HYDIN: variants seen among roughly 807,000 people sequenced by gnomAD.
The protein encoded by HYDIN is HYDIN axonemal central pair apparatus protein.
HYDIN carries 132 observed loss-of-function variants against 403.9 expected under a neutral mutation model. That is an observed-to-expected ratio of 0.33 (90% CI 0.28 to 0.38). HYDIN has a LOEUF of 0.38. Among genes scored for constraint, HYDIN ranks in the 10% least tolerant of loss-of-function variants. The pLI is 1.00. For synonymous variants in HYDIN, 1,202 were observed against 1,891.7 expected (o/e 0.64, Z 9.46); for missense variants, 2,827 against 5,009.5 (o/e 0.56, Z 13.15).
chr16:71,201,183 T>G (rs767113433), intron 1 of HYDIN, among the ~76,000 whole-genome samples: 4 of 152,154 alleles, frequency 2.6e-5, no homozygotes, highest in Non-Finnish European at 5.9e-5. Context: ...TTTTTATGTC[T>G]TCCTTCCCTA....
intron 41 of HYDIN, among the ~76,000 whole-genome samples, chr16:70,946,649 G>C (rs2077871387): frequency 6.6e-6 from 1 of 152,122 alleles, no homozygotes; most frequent in African/African-American, 2.4e-5. Context: ...GTGAGGATGA[G>C]GAATGGAGGT....
At chr16:71,047,133 G>C (rs2144217750) in intron 18 of HYDIN, among the ~76,000 whole-genome samples, 1 of 152,154 alleles carries the variant, frequency 6.6e-6, no homozygotes, top group African/African-American at 2.4e-5. Context: ...AATGAAGATG[G>C]ACAGGCTTGC....
chr16:71,034,118 T>G (rs538973383), intron 18 of HYDIN, among the ~76,000 whole-genome samples: 53 of 151,910 alleles, frequency 3.5e-4, no homozygotes, highest in African/African-American at 1.2e-3. Flanking sequence ...GAAGAAGCCC[T>G]CCAAAGTAAC....
intron 1 of HYDIN, among the ~76,000 whole-genome samples, chr16:71,218,436 G>T (rs1404656830): frequency 6.6e-6 from 1 of 152,172 alleles, no homozygotes; most frequent in Non-Finnish European, 1.5e-5. Flanking sequence ...ACTGGGTTAC[G>T]TGATTCTATT....
chr16:70,961,829 T>G, intron 38 of HYDIN, 130 bp downstream of exon 38: 1 of 579,954 alleles, frequency 1.7e-6, no homozygotes, highest in South Asian at 2.6e-5. Flanking sequence ...GGAGGGCAGC[T>G]GTGGTGGGCA....
rs748062821 is a variant in HYDIN, at chr16:70,818,395, G to A, written c.14605C>T (p.Arg4869Trp). ...PYSVTFSTEC[R>W]MPDIALPSQF... The stretch of plus-strand genomic sequence containing the variant: ...GAGGGCAGGGCGATGTCGGGCATCC[G>A]GCATTCCGTGGAGAAGGTCACCGAG... Residue 4869 changes from arginine (R) to tryptophan (W), a missense_variant, in exon 84 of 86, where the codon CGG becomes TGG. Physicochemically the swap from Arg to Trp is moderately radical, Grantham distance 101 (BLOSUM62 -3). Transcript: ENST00000393567. 5 of 1,613,778 alleles carry A rather than the reference G, an allele frequency of 3.1e-6. No individual in the cohort carries two copies. The highest frequency in any genetic ancestry group is 4.2e-6 in the Non-Finnish European group (5 of 1,179,810).
intron 14 of HYDIN, 132 bp from the exon 15 acceptor site, chr16:71,067,522 T>G (rs2082316130): frequency 2.1e-6 from 1 of 477,762 alleles, no homozygotes; most frequent in African/African-American, 2.2e-5. Context: ...CATTTTACAT[T>G]TTTAGTTGAC....
intron 1 of HYDIN, among the ~76,000 whole-genome samples, chr16:71,194,666 A>T (rs2087603581): frequency 6.6e-6 from 1 of 152,206 alleles, no homozygotes; most frequent in Admixed American, 6.5e-5. Context: ...AATAATAAAC[A>T]CTACTTATTT....
At chr16:71,021,505 G>A (rs758970042) in intron 21 of HYDIN, among the ~76,000 whole-genome samples, 9 of 152,086 alleles carry the variant, frequency 5.9e-5, no homozygotes, top group East Asian at 1.9e-4. Context: ...GTGAGCCACC[G>A]CACCCGGCCC....
chr16:70,954,865 C>A (rs192226200), intron 40 of HYDIN, among the ~76,000 whole-genome samples: 2 of 152,216 alleles, frequency 1.3e-5, no homozygotes, highest in Non-Finnish European at 2.9e-5. Flanking sequence ...TTGGCCTCAA[C>A]CTGCCTTCCC....
intron 83 of HYDIN, among the ~76,000 whole-genome samples, chr16:70,822,474 GACA>G (rs2036329874): frequency 6.6e-6 from 1 of 152,128 alleles, no homozygotes; most frequent in Admixed American, 6.5e-5. Context: ...TTGTTGAAAT[GACA>G]ACAAAGGATT....
At chr16:71,114,238 G>T (rs1469751259) in intron 10 of HYDIN, among the ~76,000 whole-genome samples, 1 of 151,818 alleles carries the variant, frequency 6.6e-6, no homozygotes, top group Non-Finnish European at 1.5e-5. Context: ...TACCTGAATT[G>T]GTTATTGCAA....
At chr16:71,020,055 C>T (rs2080424168) in intron 22 of HYDIN, 119 bp downstream of exon 22, 1 of 718,510 alleles carries the variant, frequency 1.4e-6, no homozygotes, top group Non-Finnish European at 2.2e-6. Flanking sequence ...CTGTTTGCTT[C>T]CTGGATCCTT....
intron 3 of HYDIN, among the ~76,000 whole-genome samples, chr16:71,182,194 T>C (rs1470265037): frequency 6.6e-6 from 1 of 152,138 alleles, no homozygotes; most frequent in Non-Finnish European, 1.5e-5. Context: ...CAGGACTAGA[T>C]GGTACAGGAC....
intron 1 of HYDIN, among the ~76,000 whole-genome samples, chr16:71,214,513 A>C (rs2144740468): frequency 6.6e-6 from 1 of 152,276 alleles, no homozygotes; most frequent in South Asian, 2.1e-4. Flanking sequence ...CTTTAGGCCC[A>C]CCAATAGCTT....
In HYDIN at chr16:71,186,901, G is replaced by C; in HGVS notation, c.-6C>G. On this transcript the variant is annotated 5_prime_UTR_variant, in exon 2 of 86. Transcript: ENST00000393567. ...TCAAGTCTTCTACTTGTCATTTTTA[G>C]TAATTTTTTTTTCTCACCTAAGAGT... 8 of 1,606,292 alleles carry C rather than the reference G, an allele frequency of 5.0e-6. No individual in the cohort carries two copies. The highest frequency in any genetic ancestry group is 6.8e-6 in the Non-Finnish European group (8 of 1,176,482).
chr16:71,039,785 T>C (rs1219049108), intron 18 of HYDIN, among the ~76,000 whole-genome samples: 3 of 152,248 alleles, frequency 2.0e-5, no homozygotes, highest in Non-Finnish European at 2.9e-5. Context: ...AATTTGTTCA[T>C]GTGACCTCAT....
chr16:71,220,927 A>T (rs1016584870), intron 1 of HYDIN, among the ~76,000 whole-genome samples: 3 of 152,254 alleles, frequency 2.0e-5, no homozygotes, highest in African/African-American at 7.2e-5. Flanking sequence ...TCTCAAAAGC[A>T]TCAAAAAGCT....
intron 10 of HYDIN, among the ~76,000 whole-genome samples, chr16:71,108,179 G>A (rs2083687171): frequency 6.6e-6 from 1 of 152,176 alleles, no homozygotes; most frequent in South Asian, 2.1e-4. Context: ...AGGGCGGAGG[G>A]TGAGAGGAGG....
Sources: allele counts gnomAD v4.1 joint callset (sites outside exome capture counted in the v4.1 genomes callset), GRCh38; gene constraint gnomAD v4.1.1; transcripts MANE v1.5; gene names NCBI Gene and HGNC (gene_info 2026-07-23, HGNC 2026-07-21).